Variants in MCTP2 observed in about 807,000 individuals in gnomAD.
MCTP2 encodes the protein multiple C2 and transmembrane domain containing 2.
A neutral mutation model predicts 111.6 loss-of-function variants in MCTP2; 132 were observed. That is an observed-to-expected ratio of 1.18 (90% CI 1.03 to 1.37). The LOEUF is 1.37. Among genes scored for constraint, MCTP2 ranks in the 40% most tolerant of loss-of-function variants. The probability of loss-of-function intolerance (pLI) is 0.00; values close to 1 mark genes in which losing one functional copy is unlikely to be tolerated. For synonymous variants in MCTP2, 395 were observed against 387.7 expected, an observed-to-expected ratio of 1.02 and a Z score of -0.22; for missense variants, 1,183 against 1,067.9, an observed-to-expected ratio of 1.11 and a Z score of -1.50.
intron 5 of MCTP2, among the ~76,000 whole-genome samples, 177 bp from the exon 6 acceptor site, chr15:94,340,022 A>C (rs547351354): frequency 6.6e-6 from 1 of 152,328 alleles, no homozygotes; most frequent in Admixed American, 6.5e-5. Flanking sequence ...GCAAGATTGA[A>C]TAATTTTGTT....
intron 19 of MCTP2, among the ~76,000 whole-genome samples, chr15:94,452,742 G>A (rs184343124): frequency 1.1e-3 from 161 of 152,286 alleles, no homozygotes; most frequent in Middle Eastern, 3.4e-3. Context: ...AAGCATCCAA[G>A]CTACAAAAAT....
Position 94,367,777 on chromosome 15 carries a change from A to T in MCTP2, c.1474A>T (p.Ile492Phe). The change falls in exon 11 of 23, where the codon ATT becomes TTT. Residue 492 changes from isoleucine (I) to phenylalanine (F), a missense_variant. Physicochemically the swap from Ile to Phe is conservative, Grantham distance 21. Coordinates refer to ENST00000357742, the MANE Select transcript of MCTP2 (RefSeq NM_001385001.1). ...PLADLSERKQ[I>F]TQRYCLQNSL... Reference sequence around the variant, plus strand: ...AGCAGACCTCAGCGAAAGAAAGCAGATTACCCAGCGATATGTGAGTGTTTT... The same window carrying T: ...AGCAGACCTCAGCGAAAGAAAGCAGTTTACCCAGCGATATGTGAGTGTTTT... The T allele has an allele frequency of 6.2e-7, 1 of 1,602,184 alleles. No individual in the cohort carries two copies. Among genetic ancestry groups the T allele is most frequent in the Non-Finnish European group, 8.5e-7 (1 of 1,174,970 alleles).
chr15:94,340,118 C>A, intron 5 of MCTP2, 81 bp from the exon 6 acceptor site: 1 of 907,396 alleles, frequency 1.1e-6, no homozygotes, highest in Non-Finnish European at 1.8e-6. Context: ...GAATTTCCAA[C>A]CTATTGCATT....
chr15:94,244,682 A>G (rs781587841), intron 1 of MCTP2, among the ~76,000 whole-genome samples: 3 of 148,688 alleles, frequency 2.0e-5, no homozygotes, highest in Non-Finnish European at 4.5e-5. Flanking sequence ...ACCTATGTTT[A>G]TATACGTATA....
At chr15:94,299,837 A>G (rs1241657524) in intron 2 of MCTP2, among the ~76,000 whole-genome samples, 3 of 152,246 alleles carry the variant, frequency 2.0e-5, no homozygotes, top group African/African-American at 7.2e-5. Flanking sequence ...GGAAGGGATC[A>G]TGGATGTTTG....
chr15:94,398,078 C>T (rs527462838), intron 14 of MCTP2, among the ~76,000 whole-genome samples: 2 of 152,282 alleles, frequency 1.3e-5, no homozygotes, highest in Admixed American at 1.3e-4. Flanking sequence ...ACTTAGATAA[C>T]TTATATGTGG....
chr15:94,457,960 G>A (rs1011409130), intron 19 of MCTP2, among the ~76,000 whole-genome samples, 177 bp from the exon 20 acceptor site: 3 of 151,786 alleles, frequency 2.0e-5, no homozygotes, highest in African/African-American at 7.3e-5. Context: ...TAGCATCTAA[G>A]TGACTGAACA....
intron 1 of MCTP2, among the ~76,000 whole-genome samples, chr15:94,245,344 TTACA>T (rs1435262378): frequency 1.5e-5 from 2 of 134,616 alleles, no homozygotes; most frequent in African/African-American, 2.6e-5. Context: ...GTGTAGATAT[TTACA>T]TACATATGTA....
intron 19 of MCTP2, among the ~76,000 whole-genome samples, chr15:94,448,734 C>T (rs2084269310): frequency 6.6e-6 from 1 of 152,176 alleles, no homozygotes; most frequent in African/African-American, 2.4e-5. Context: ...ATTGTCACAT[C>T]ATGAGAAGGT....
chr15:94,251,519 T>C (rs1011167083), intron 1 of MCTP2, among the ~76,000 whole-genome samples: 11 of 151,484 alleles, frequency 7.3e-5, no homozygotes, highest in Admixed American at 5.9e-4. Context: ...CCACCACGCC[T>C]GGCTAATTTT....
intron 17 of MCTP2, among the ~76,000 whole-genome samples, chr15:94,415,826 T>C (rs1002365220): frequency 6.6e-5 from 10 of 152,176 alleles, no homozygotes; most frequent in African/African-American, 2.4e-4. Context: ...ATCTTGTGTG[T>C]CTGGAGAGCT....
At chr15:94,279,721 G>C (rs2074384348) in intron 1 of MCTP2, among the ~76,000 whole-genome samples, 1 of 152,054 alleles carries the variant, frequency 6.6e-6, no homozygotes, top group African/African-American at 2.4e-5. Context: ...TCCAGGTTTT[G>C]CCTGTTCACT....
Position 94,385,405 on chromosome 15 carries a change from A to C in MCTP2, c.1686-18A>C. The C allele has an allele frequency of 6.5e-7, 1 of 1,530,534 alleles. No homozygotes were observed. The highest frequency in any genetic ancestry group is 9.1e-7 in the Non-Finnish European group (1 of 1,104,384). The allele number at this position is 1,530,534 out of a possible 1,614,324, so 94.8% of individuals were successfully genotyped here. A position where few individuals can be genotyped will look rare whatever the true frequency, so the allele number is the denominator to read the frequency against. ...ACTTGTGTGTTTTTGTGTATAATAC[A>C]TGGTATTTTTGTTACAGTCCCATTA... On this transcript the variant is annotated intron_variant, in intron 13 of 22. Transcript: ENST00000357742.
rs952024405 is a variant in MCTP2 at position 94,480,615 on chromosome 15, T to G, written c.*1581T>G. On this transcript the variant is annotated 3_prime_UTR_variant, in exon 23 of 23. Coordinates refer to ENST00000357742, the MANE Select transcript of MCTP2 (RefSeq NM_001385001.1). The stretch of plus-strand genomic sequence containing the variant: ...GTTAAACCAGTTACTCAATCTTCTG[T>G]GTAAACAATGCCTCATTGTCTTGCT... The G allele has an allele frequency of 6.6e-6, 1 of 152,220 alleles. No individual in the cohort carries two copies. The highest frequency in any genetic ancestry group is 1.5e-5 in the Non-Finnish European group (1 of 68,026). 9.4% of individuals were successfully genotyped at this position (152,220 alleles called of 1,614,324 possible). A position where few individuals can be genotyped will look rare whatever the true frequency, so the allele number is the denominator to read the frequency against.
rs1486555446 is a variant in MCTP2, at chr15:94,243,076, TATCTACACATATAC to T, written c.-66+11413_-66+11426del. Among the ~76,000 whole-genome samples, 4 of 88,324 alleles carry T rather than the reference TATCTACACATATAC, an allele frequency of 4.5e-5. 1 individual carries two copies. Among genetic ancestry groups the T allele is most frequent in the African/African-American group, 1.7e-4 (4 of 23,030 alleles). The allele number at this position is 88,324 out of a possible 152,430, so 57.9% of individuals were successfully genotyped here. A position where few individuals can be genotyped will look rare whatever the true frequency, so the allele number is the denominator to read the frequency against. ...ATCTACACATACACGTGTATATGTG[TATCTACACATATAC>T]GTGTATATGTGTATCTACGGGTGTG... is the stretch of plus-strand genomic sequence containing the variant. On this transcript the variant is annotated intron_variant, in intron 1 of 22. Coordinates refer to ENST00000357742, the MANE Select transcript of MCTP2 (RefSeq NM_001385001.1).
chr15:94,427,501 G>C (rs1024776752), intron 17 of MCTP2, among the ~76,000 whole-genome samples: 4 of 152,140 alleles, frequency 2.6e-5, no homozygotes, highest in Admixed American at 2.6e-4. Flanking sequence ...CAGCAAGGAA[G>C]AGAGAAGTGC....
At chr15:94,297,556 C>CTTG (rs1289767049) in intron 1 of MCTP2, among the ~76,000 whole-genome samples, 1 of 151,932 alleles carries the variant, frequency 6.6e-6, no homozygotes, top group Non-Finnish European at 1.5e-5. Context: ...TGTTTTTGTT[C>CTTG]TTGAAAACGT....
At chr15:94,289,250 T>C (rs186765910) in intron 1 of MCTP2, among the ~76,000 whole-genome samples, 23 of 152,292 alleles carry the variant, frequency 1.5e-4, no homozygotes, top group Non-Finnish European at 1.5e-5. Context: ...TGATAACTGA[T>C]ATATGGAAGA....
chr15:94,352,775 G>C (rs1029936215), intron 8 of MCTP2, among the ~76,000 whole-genome samples: 1 of 152,182 alleles, frequency 6.6e-6, no homozygotes, highest in South Asian at 2.1e-4. Context: ...GAAAAAAGGG[G>C]TGTTTGAAGA....
Sources: gnomAD v4.1 joint callset for allele counts (sites outside exome capture counted in the v4.1 genomes callset) on GRCh38, gnomAD v4.1.1 for gene constraint, MANE v1.5 for transcripts, NCBI Gene and HGNC (gene_info 2026-07-23, HGNC 2026-07-21) for gene names.